VPS53: variants seen among roughly 807,000 people sequenced by gnomAD.
VPS53 encodes vacuolar protein sorting-associated protein 53 homolog.
Under a neutral mutation model 107.0 loss-of-function variants are expected in VPS53, and 70 were observed. The observed-to-expected ratio is 0.65, with a 90% CI of 0.54 to 0.80. The LOEUF (loss-of-function observed/expected upper bound fraction) is 0.80. Among genes scored for constraint, VPS53 ranks in the 30% least tolerant of loss-of-function variants. The pLI, the probability that VPS53 is intolerant of heterozygous loss-of-function variation, is 0.00. For synonymous variants in VPS53, 409 were observed against 393.3 expected, an observed-to-expected ratio of 1.04 and a Z score of -0.47; for missense variants, 917 against 1,049.4, an observed-to-expected ratio of 0.87 and a Z score of 1.74.
At chr17:654,561 AC>A (rs1488791969) in intron 6 of VPS53, among the ~76,000 whole-genome samples, 6 of 151,648 alleles carry the variant, frequency 4.0e-5, no homozygotes, top group Non-Finnish European at 7.4e-5. Context: ...ACACGGCGAA[AC>A]CCCGTCTCTA....
At chr17:707,300 T>A (rs1432444704) in intron 2 of VPS53, among the ~76,000 whole-genome samples, 12 of 150,082 alleles carry the variant, frequency 8.0e-5, no homozygotes, top group East Asian at 2.0e-4. Flanking sequence ...GGCGGGCGGA[T>A]CACCTGAGGT....
Position 562,526 on chromosome 17 carries a change from T to C in VPS53, c.1533A>G (p.Lys511=). Residue 511 remains lysine (K), a synonymous_variant, in exon 14 of 22, where the codon AAA becomes AAG. Transcript: ENST00000437048. The part of the protein sequence containing the change: ...FQKYLREYAW[K]ILSGNLPKTT... ...ACTTGGGCAGGTTGCCAGAGAGGATTTTCCAGGCGTATTCTCGGAGGTACT... is the reference window on the plus strand; with the variant it reads ...ACTTGGGCAGGTTGCCAGAGAGGATCTTCCAGGCGTATTCTCGGAGGTACT... 1 of 1,613,984 alleles carries C rather than the reference T, an allele frequency of 6.2e-7. No individual in the cohort carries two copies.
intron 19 of VPS53, among the ~76,000 whole-genome samples, chr17:528,059 A>G (rs1173884931): frequency 6.6e-6 from 1 of 152,162 alleles, no homozygotes; most frequent in Non-Finnish European, 1.5e-5. Flanking sequence ...CTTATTTTTT[A>G]GAGCCATAAT....
intron 4 of VPS53, among the ~76,000 whole-genome samples, chr17:693,262 A>G (rs1972836674): frequency 6.6e-6 from 1 of 152,218 alleles, no homozygotes; most frequent in East Asian, 1.9e-4. Flanking sequence ...TAATTGTGCT[A>G]TTTTATTTTC....
chr17:573,617 T>C (rs1192546442), intron 13 of VPS53, among the ~76,000 whole-genome samples: 1 of 152,190 alleles, frequency 6.6e-6, no homozygotes, highest in Non-Finnish European at 1.5e-5. Context: ...CACCATTTAC[T>C]GTGTGCTGAA....
chr17:570,205 A>T (rs1407923944), intron 13 of VPS53, among the ~76,000 whole-genome samples: 6 of 151,258 alleles, frequency 4.0e-5, no homozygotes, highest in African/African-American at 1.5e-4. Context: ...TGTCTCTACT[A>T]AAAAAAAGAC....
At chr17:631,174 G>C (rs1173688814) in intron 8 of VPS53, among the ~76,000 whole-genome samples, 2 of 151,970 alleles carry the variant, frequency 1.3e-5, no homozygotes, top group African/African-American at 2.4e-5. Flanking sequence ...GCTCCACCCA[G>C]TTGTCTTTTC....
At chr17:553,238 C>T in intron 16 of VPS53, 142 bp downstream of exon 16, 1 of 610,498 alleles carries the variant, frequency 1.6e-6, no homozygotes, top group Non-Finnish European at 2.9e-6. Flanking sequence ...CAAGCGTGTA[C>T]AAGGTATATA....
At chr17:589,689 C>T (rs879561537) in intron 12 of VPS53, among the ~76,000 whole-genome samples, 3 of 152,126 alleles carry the variant, frequency 2.0e-5, no homozygotes, top group Non-Finnish European at 4.4e-5. Flanking sequence ...TTCCAGAGAC[C>T]TCAATGGAGC....
chr17:531,009 T>C (rs7211643), intron 19 of VPS53, among the ~76,000 whole-genome samples: 31,403 of 152,228 alleles, frequency 0.21, 6,679 homozygotes, highest in African/African-American at 0.53. Context: ...TCCAATGCCA[T>C]AGCTTTTGTT....
rs968410404 is a variant in VPS53 at position 601,729 on chromosome 17, C to T, written c.1218+66G>A. On this transcript the variant is annotated intron_variant, in intron 12 of 21. Coordinates refer to ENST00000437048, the MANE Select transcript of VPS53 (RefSeq NM_001128159.3). ...AAGAGCCAAAGGATCGTATCTGGAG[C>T]AAGCAGACCGATTTTCAGAAACGCA... is the stretch of plus-strand genomic sequence containing the variant. 4 of 1,305,710 alleles carry T rather than the reference C, an allele frequency of 3.1e-6. No individual in the cohort carries two copies. In the African/African-American group the frequency reaches 4.5e-5, roughly 15 times the overall value. The allele number at this position is 1,305,710 out of a possible 1,614,324, so 80.9% of individuals were successfully genotyped here.
At chr17:617,355 T>G (rs1282210607) in intron 11 of VPS53, among the ~76,000 whole-genome samples, 1 of 152,246 alleles carries the variant, frequency 6.6e-6, no homozygotes, top group African/African-American at 2.4e-5. Flanking sequence ...CTCATACTTC[T>G]CAGGAGAAAC....
At chr17:615,054 T>G (rs551395794) in intron 11 of VPS53, among the ~76,000 whole-genome samples, 1 of 152,382 alleles carries the variant, frequency 6.6e-6, no homozygotes, top group South Asian at 2.1e-4. Flanking sequence ...TTTGCTCACC[T>G]TGAATCTAAT....
At chr17:680,879 C>A (rs181048789) in intron 4 of VPS53, among the ~76,000 whole-genome samples, 3 of 152,184 alleles carry the variant, frequency 2.0e-5, no homozygotes, top group African/African-American at 7.2e-5. Context: ...TCCTAAAGAG[C>A]ATTTCTAAAA....
In VPS53 at chr17:553,237, A is replaced by G. The variant is rs546544475; in HGVS notation, c.1787+143T>C. On this transcript the variant is annotated intron_variant, in intron 16 of 21. Coordinates refer to ENST00000437048, the MANE Select transcript of VPS53 (RefSeq NM_001128159.3). ...AAGGGCAGGCAGTGAGCAAGCGTGT[A>G]CAAGGTATATACGTGCCACATGCTG... 6.3e-4 allele frequency: 369 copies of G among 584,296 alleles called. 4 individuals are homozygous for G. Among genetic ancestry groups the G allele is most frequent in the South Asian group, 1.8e-3 (91 of 49,274 alleles). 36.2% of individuals were successfully genotyped at this position (584,296 alleles called of 1,614,324 possible). A position where few individuals can be genotyped will look rare whatever the true frequency, so the allele number is the denominator to read the frequency against.
chr17:621,597 C>A (rs921878367), intron 11 of VPS53, among the ~76,000 whole-genome samples: 4 of 152,096 alleles, frequency 2.6e-5, no homozygotes, highest in Admixed American at 2.6e-4. Context: ...GTTTGCAAAC[C>A]TGATGTAGGA....
chr17:637,988 AT>A (rs1280860841), intron 7 of VPS53, among the ~76,000 whole-genome samples: 2 of 152,184 alleles, frequency 1.3e-5, no homozygotes, highest in African/African-American at 4.8e-5. Context: ...TTTCTGTCTC[AT>A]TGATCTGTCT....
chr17:572,642 AAAG>A (rs1034867830), intron 13 of VPS53, among the ~76,000 whole-genome samples: 20 of 151,642 alleles, frequency 1.3e-4, no homozygotes, highest in Non-Finnish European at 2.9e-5. Flanking sequence ...GTCTGTGTGG[AAAG>A]AAGTAGACAT....
intron 18 of VPS53, chr17:536,582 T>C (rs1910083603): frequency 6.1e-6 from 1 of 163,010 alleles, no homozygotes; most frequent in Admixed American, 6.1e-5. Flanking sequence ...AAGTAGCAGA[T>C]TTAGTTTTAT....
Sources: allele counts gnomAD v4.1 joint callset (sites outside exome capture counted in the v4.1 genomes callset), GRCh38; gene constraint gnomAD v4.1.1; transcripts MANE v1.5; gene names NCBI Gene and HGNC (gene_info 2026-07-23, HGNC 2026-07-21).